The following SRL variants were observed in gnomAD, a reference collection of about 807,000 sequenced individuals.
SRL encodes the protein sarcalumenin.
A neutral mutation model predicts 39.5 loss-of-function variants in SRL; 23 were observed. The observed-to-expected ratio is 0.58, with a 90% CI of 0.42 to 0.82. The LOEUF (loss-of-function observed/expected upper bound fraction) is 0.82. Ranked by LOEUF, SRL falls within the 40% of genes least tolerant of loss-of-function variation. The probability of loss-of-function intolerance (pLI) is 0.00; values close to 1 mark genes in which losing one functional copy is unlikely to be tolerated. For missense variants in SRL, 592 were observed against 607.8 expected, an observed-to-expected ratio of 0.97 and a Z score of 0.27; for synonymous variants, 272 against 237.4, an observed-to-expected ratio of 1.15 and a Z score of -1.34.
chr16:4,228,577 T>C (rs543176701), intron 1 of SRL, among the ~76,000 whole-genome samples: 5 of 149,382 alleles, frequency 3.3e-5, no homozygotes, highest in African/African-American at 9.9e-5. Flanking sequence ...CTACTAAAAA[T>C]ACAAAAAATT....
intron 1 of SRL, among the ~76,000 whole-genome samples, chr16:4,208,378 C>T (rs1330897330): frequency 1.3e-5 from 2 of 152,170 alleles, no homozygotes; most frequent in Non-Finnish European, 2.9e-5. Flanking sequence ...GCTGTGCTAA[C>T]CCGAGAACCG....
chr16:4,226,358 G>A (rs1690654894), intron 1 of SRL, among the ~76,000 whole-genome samples: 1 of 151,716 alleles, frequency 6.6e-6, no homozygotes, highest in Non-Finnish European at 1.5e-5. Context: ...GGATGGATGG[G>A]TAGATGGATG....
chr16:4,210,062 A>C (rs1325161197), intron 1 of SRL, among the ~76,000 whole-genome samples: 2 of 152,238 alleles, frequency 1.3e-5, no homozygotes, highest in African/African-American at 2.4e-5. Context: ...CTGTGTTCCC[A>C]GGGCCTGGCA....
rs1182187814 is a variant in SRL at position 4,192,656 on chromosome 16, A to T, written c.919T>A (p.Phe307Ile). 1 of 1,614,060 alleles carries T rather than the reference A, an allele frequency of 6.2e-7. No individual in the cohort carries two copies. The highest frequency in any genetic ancestry group is 1.7e-5 in the Admixed American group (1 of 60,000). ...AGGAGGGAGATCTCTTCTTGGAGGA[A>T]CAGTTCCTGATGGGTGTCCGGCTTA... Reference protein sequence around the residue: ...EYKPDTHQELFLQEEISLLED... With the variant: ...EYKPDTHQELILQEEISLLED... The change falls in exon 6 of 6, where the codon TTC (phenylalanine) becomes ATC (isoleucine). Residue 307 changes from phenylalanine to isoleucine, a missense_variant. Transcript: ENST00000399609. The surrounding 1 kb of genome is among the most constrained non-coding windows in gnomAD (Gnocchi z 4.0).
chr16:4,206,982 G>A lies in SRL; in HGVS notation c.62-2348C>T, dbSNP rs563346712. The A allele has an allele frequency of 1.8e-5, 8 of 454,414 alleles. No homozygotes were observed. The East Asian group carries it at 2.8e-4, about 16-fold the overall frequency. The allele number at this position is 454,414 out of a possible 1,614,324, so 28.1% of individuals were successfully genotyped here. A position where few individuals can be genotyped will look rare whatever the true frequency, so the allele number is the denominator to read the frequency against. ...CTGGGGCTCCCCGCCTTCCTGTGGCGCTCCACCTTCCTGGGGCTCCTCGGC... is the reference window on the plus strand; with the variant it reads ...CTGGGGCTCCCCGCCTTCCTGTGGCACTCCACCTTCCTGGGGCTCCTCGGC... On this transcript the variant is annotated intron_variant, in intron 1 of 5. Transcript: ENST00000399609.
rs796509140 is a variant in SRL, at chr16:4,223,946, G to C, written c.61+18061C>G. Among the ~76,000 whole-genome samples the C allele has an allele frequency of 3.3e-5, 5 of 152,144 alleles. No homozygotes were observed. In the East Asian group the frequency reaches 7.7e-4, roughly 23 times the overall value. ...TGTCCATCAGCCCTAGGCCCATCAT[G>C]GGTGGGGGCATAGCTGGCCCTGCTC... On this transcript the variant is annotated intron_variant, in intron 1 of 5. Coordinates refer to ENST00000399609, the MANE Select transcript of SRL (RefSeq NM_001098814.2).
At chr16:4,235,270 AGCCAAAGTGAGTCCTCAT>A (rs1055838724) in intron 1 of SRL, among the ~76,000 whole-genome samples, 2 of 152,250 alleles carry the variant, frequency 1.3e-5, no homozygotes, top group African/African-American at 4.8e-5. Context: ...CACCACCTTG[AGCCAAAGTGAGTCCTCAT>A]GCCAAAGTGA....
intron 1 of SRL, among the ~76,000 whole-genome samples, chr16:4,222,206 G>T (rs7205062): frequency 0.13 from 19,119 of 152,058 alleles, 2,117 homozygotes; most frequent in African/African-American, 0.3. Flanking sequence ...CCATCCCTTG[G>T]GAGTCGTCCC....
chr16:4,222,702 A>G lies in SRL; in HGVS notation c.62-18068T>C, dbSNP rs183879292. On this transcript the variant is annotated intron_variant, in intron 1 of 5. Coordinates refer to ENST00000399609, the MANE Select transcript of SRL (RefSeq NM_001098814.2). ...CATAAGTAACCTGCTGGCTGCATTG[A>G]GAGCACCTGACAGTAAGGAGCCTTG... Among the ~76,000 whole-genome samples, 155 of 152,280 alleles carry G rather than the reference A, an allele frequency of 1.0e-3. 5 individuals carry two copies. Among genetic ancestry groups the G allele is most frequent in the Admixed American group, 8.8e-3 (134 of 15,294 alleles).
intron 1 of SRL, among the ~76,000 whole-genome samples, chr16:4,223,270 G>A (rs183832331): frequency 7.4e-5 from 11 of 148,868 alleles, no homozygotes; most frequent in Non-Finnish European, 1.3e-4. Context: ...AATTCCTAAC[G>A]TTTGGGGCTC....
At chr16:4,215,905 G>A (rs957730876) in intron 1 of SRL, among the ~76,000 whole-genome samples, 7 of 152,120 alleles carry the variant, frequency 4.6e-5, no homozygotes, top group Non-Finnish European at 7.3e-5. Context: ...GCATGGTAGC[G>A]TGCGCCTGTG....
intron 1 of SRL, 91 bp downstream of exon 1, chr16:4,241,916 C>A: frequency 6.9e-7 from 1 of 1,457,782 alleles, no homozygotes; most frequent in Non-Finnish European, 9.5e-7. Flanking sequence ...GCCATCAGCC[C>A]CGACCCCCTA....
Position 4,195,748 on chromosome 16 carries a change from G to A in SRL, c.415C>T (p.His139Tyr). ...PTTSEFTVLM[H>Y]GPKLKTIEGI... ...TCGATGGTTTTCAGCTTAGGCCCATGCATGAGGACCGTGAACTCAGAGGTG... is the reference window on the plus strand; with the variant it reads ...TCGATGGTTTTCAGCTTAGGCCCATACATGAGGACCGTGAACTCAGAGGTG... Residue 139 changes from histidine to tyrosine, a missense_variant, in exon 5 of 6, where the codon CAT becomes TAT. By Grantham distance (83) the His-to-Tyr change is moderately conservative. Coordinates refer to ENST00000399609, the MANE Select transcript of SRL (RefSeq NM_001098814.2). 6.2e-7 allele frequency: 1 copy of A among 1,614,126 alleles called. No homozygotes were observed. Among genetic ancestry groups the A allele is most frequent in the Non-Finnish European group, 8.5e-7 (1 of 1,180,030 alleles).
In SRL at chr16:4,224,434, G is replaced by A. The variant is rs759765820; in HGVS notation, c.61+17573C>T. On this transcript the variant is annotated intron_variant, in intron 1 of 5. Coordinates refer to ENST00000399609, the MANE Select transcript of SRL (RefSeq NM_001098814.2). The stretch of plus-strand genomic sequence containing the variant: ...TATAAGATAAAGTGAGGCCAGGCAC[G>A]GTGGTTCATGCCTGTAATCCCAGCA... Among the ~76,000 whole-genome samples, 8 of 152,206 alleles carry A rather than the reference G, an allele frequency of 5.3e-5. No individual in the cohort carries two copies. In the South Asian group the frequency reaches 8.3e-4, roughly 16 times the overall value.
At chr16:4,206,024 G>A (rs565166674) in intron 1 of SRL, among the ~76,000 whole-genome samples, 152 of 152,058 alleles carry the variant, frequency 1.0e-3, no homozygotes, top group African/African-American at 3.5e-3. Context: ...ACTTGACCTC[G>A]ACCTCTACCC....
At chr16:4,227,445 G>A (rs535068975) in intron 1 of SRL, among the ~76,000 whole-genome samples, 4 of 151,450 alleles carry the variant, frequency 2.6e-5, no homozygotes, top group East Asian at 2.0e-4. Context: ...GGATGTGTGG[G>A]TGCGTGGATA....
Position 4,192,975 on chromosome 16 carries a change from C to T in SRL, c.611-11G>A. ...CGTTGAAGGGGTAGCCTTTGGGAGA[C>T]AGAAGTGAGAAGTCAAACTGAGTAG... On this transcript the variant is annotated splice_polypyrimidine_tract_variant and intron_variant, in intron 5 of 5. Coordinates refer to ENST00000399609, the MANE Select transcript of SRL (RefSeq NM_001098814.2). The surrounding 1 kb of genome is among the most constrained non-coding windows in gnomAD (Gnocchi z 4.0). 6.3e-7 allele frequency: 1 copy of T among 1,598,590 alleles called. No homozygotes were observed. The highest frequency in any genetic ancestry group is 8.5e-7 in the Non-Finnish European group (1 of 1,173,330).
At chr16:4,224,893 T>C (rs75804859) in intron 1 of SRL, among the ~76,000 whole-genome samples, 3,917 of 152,160 alleles carry the variant, frequency 0.026, 162 homozygotes, top group African/African-American at 0.09. Flanking sequence ...ATCCACACAA[T>C]GCAATATTTC....
intron 1 of SRL, among the ~76,000 whole-genome samples, chr16:4,219,414 G>C (rs533510953): frequency 1.2e-3 from 182 of 152,304 alleles, no homozygotes; most frequent in African/African-American, 4.2e-3. Context: ...AGTCTCAGAG[G>C]GCTGTGTCGG....
Sources: allele counts gnomAD v4.1 joint callset (sites outside exome capture counted in the v4.1 genomes callset), GRCh38; gene constraint gnomAD v4.1.1; non-coding constraint Gnocchi (gnomAD v3.1); transcripts MANE v1.5; gene names NCBI Gene and HGNC (gene_info 2026-07-23, HGNC 2026-07-21).